NRXN3: variants seen among roughly 807,000 people sequenced by gnomAD.
NRXN3 encodes the protein neurexin 3.
Under a neutral mutation model 137.6 loss-of-function variants are expected in NRXN3, and 32 were observed. That is an observed-to-expected ratio of 0.23 (90% CI 0.18 to 0.31). NRXN3 has a LOEUF of 0.31. Among genes scored for constraint, NRXN3 ranks in the 10% least tolerant of loss-of-function variants. NRXN3 has a pLI of 1.00. For missense variants in NRXN3, 1,574 were observed against 2,062.5 expected (o/e 0.76, Z 4.59); for synonymous variants, 798 against 784.5 (o/e 1.02, Z -0.29).
chr14:78,516,615 A>G (rs1177618640), intron 4 of NRXN3, among the ~76,000 whole-genome samples: 4 of 151,968 alleles, frequency 2.6e-5, no homozygotes, highest in African/African-American at 7.3e-5. Flanking sequence ...TGCTTGCAGT[A>G]TAAAATTCTA....
intron 16 of NRXN3, among the ~76,000 whole-genome samples, chr14:79,602,661 G>A (rs993566698): frequency 6.6e-6 from 1 of 151,668 alleles, no homozygotes; most frequent in African/African-American, 2.4e-5. Flanking sequence ...AACTGACATT[G>A]TTTAAACACA....
chr14:79,654,693 C>G (rs1355791733), intron 16 of NRXN3, among the ~76,000 whole-genome samples: 1 of 152,098 alleles, frequency 6.6e-6, no homozygotes, highest in African/African-American at 2.4e-5. Flanking sequence ...TCTGATGACC[C>G]TAAGTACTAA....
At chr14:79,137,302 T>C (rs1207417476) in intron 15 of NRXN3, among the ~76,000 whole-genome samples, 1 of 152,178 alleles carries the variant, frequency 6.6e-6, no homozygotes, top group Non-Finnish European at 1.5e-5. Flanking sequence ...AAAATTTGCT[T>C]GTCATCAGAG....
intron 16 of NRXN3, among the ~76,000 whole-genome samples, chr14:79,541,435 G>GC (rs1214322735): frequency 6.6e-6 from 1 of 152,098 alleles, no homozygotes; most frequent in Non-Finnish European, 1.5e-5. Context: ...TGGATTCAGA[G>GC]CCCACCTAGA....
chr14:78,809,038 C>A (rs891724713), intron 9 of NRXN3, among the ~76,000 whole-genome samples: 4 of 152,074 alleles, frequency 2.6e-5, no homozygotes, highest in African/African-American at 9.7e-5. Flanking sequence ...ATAAACCAAC[C>A]TTAGGCTGAA....
chr14:78,305,585 C>G (rs1452388772), intron 4 of NRXN3, among the ~76,000 whole-genome samples: 1 of 152,124 alleles, frequency 6.6e-6, no homozygotes, highest in South Asian at 2.1e-4. Context: ...ATTAAGAAAG[C>G]TGATTTGAGG....
intron 8 of NRXN3, among the ~76,000 whole-genome samples, chr14:78,788,699 A>G (rs2098796506): frequency 1.3e-5 from 2 of 152,184 alleles, no homozygotes; most frequent in African/African-American, 2.4e-5. Context: ...TTACCCCTAG[A>G]GGGCCCACTA....
chr14:79,637,565 A>G (rs753921353), intron 16 of NRXN3, among the ~76,000 whole-genome samples: 1 of 151,972 alleles, frequency 6.6e-6, no homozygotes, highest in Non-Finnish European at 1.5e-5. Flanking sequence ...TGCAGAGAAG[A>G]CTGTTGTGGG....
At chr14:79,197,885 C>T (rs977991011) in intron 15 of NRXN3, among the ~76,000 whole-genome samples, 2 of 152,134 alleles carry the variant, frequency 1.3e-5, no homozygotes, top group African/African-American at 4.8e-5. Context: ...CCTCTCAAAC[C>T]CTGCCATTGC....
At chr14:79,345,516 A>C (rs1188938373) in intron 15 of NRXN3, among the ~76,000 whole-genome samples, 4 of 152,202 alleles carry the variant, frequency 2.6e-5, no homozygotes, top group African/African-American at 7.2e-5. Context: ...ATGTCTTAGC[A>C]GGATGATATA....
chr14:78,764,049 C>T (rs147733068), intron 8 of NRXN3, among the ~76,000 whole-genome samples: 10 of 152,190 alleles, frequency 6.6e-5, no homozygotes, highest in East Asian at 1.9e-4. Context: ...CTAATGTTCC[C>T]CACTACAGAG....
chr14:79,719,366 G>GT (rs2098835356), intron 19 of NRXN3, among the ~76,000 whole-genome samples: 1 of 141,810 alleles, frequency 7.1e-6, no homozygotes, highest in Non-Finnish European at 1.5e-5. Context: ...TGTATTGTGT[G>GT]TATGTGTATA....
At chr14:78,985,365 G>A (rs1453169590) in intron 14 of NRXN3, among the ~76,000 whole-genome samples, 1 of 152,132 alleles carries the variant, frequency 6.6e-6, no homozygotes, top group Non-Finnish European at 1.5e-5. Context: ...AGCAATTAGA[G>A]GATTATATGA....
intron 15 of NRXN3, among the ~76,000 whole-genome samples, chr14:79,234,324 A>AT (rs1339526789): frequency 8.7e-6 from 1 of 114,672 alleles, no homozygotes; most frequent in Non-Finnish European, 1.7e-5. Context: ...ATATATATAT[A>AT]TATATATATA....
chr14:79,509,639 T>C (rs576982902), intron 16 of NRXN3, among the ~76,000 whole-genome samples: 3 of 151,730 alleles, frequency 2.0e-5, no homozygotes, highest in African/African-American at 7.3e-5. Context: ...TTAAATGTTT[T>C]TACCACTAAA....
chr14:78,437,837 CTAA>C (rs1410834312), intron 4 of NRXN3, among the ~76,000 whole-genome samples: 1 of 152,126 alleles, frequency 6.6e-6, no homozygotes, highest in East Asian at 1.9e-4. Context: ...AACACCTTAA[CTAA>C]TAATAAATCA....
intron 19 of NRXN3, among the ~76,000 whole-genome samples, chr14:79,767,993 G>C (rs903814657): frequency 1.3e-5 from 2 of 152,208 alleles, no homozygotes; most frequent in African/African-American, 2.4e-5. Context: ...CCCTTTCCTA[G>C]TCAAAGAAAG....
intron 20 of NRXN3, among the ~76,000 whole-genome samples, chr14:79,809,656 C>T (rs140466506): frequency 1.4e-4 from 21 of 152,138 alleles, no homozygotes; most frequent in Middle Eastern, 3.4e-3. Context: ...TATCTAGAGG[C>T]GAGGGTCTGG....
intron 4 of NRXN3, among the ~76,000 whole-genome samples, chr14:78,610,211 C>A (rs1447962139): frequency 6.6e-6 from 1 of 152,040 alleles, no homozygotes; most frequent in Admixed American, 6.6e-5. Context: ...GCAACTAGCA[C>A]GTGGAAATAT....
Sources: allele counts gnomAD v4.1 joint callset (sites outside exome capture counted in the v4.1 genomes callset), GRCh38; gene constraint gnomAD v4.1.1; transcripts MANE v1.5; gene names NCBI Gene and HGNC (gene_info 2026-07-23, HGNC 2026-07-21).